IQCM: variants seen among roughly 807,000 people sequenced by gnomAD.
The protein encoded by IQCM is IQ domain-containing protein M.
A neutral mutation model predicts 57.6 loss-of-function variants in IQCM; 45 were observed. That is an observed-to-expected ratio of 0.78 (90% CI 0.62 to 1.00). The LOEUF (loss-of-function observed/expected upper bound fraction) is 1.00, where lower values mean the gene tolerates loss of function less well. Ranked by LOEUF, IQCM falls within the 50% of genes least tolerant of loss-of-function variation. The pLI is 0.00. For synonymous variants in IQCM, 148 were observed against 158.9 expected (o/e 0.93, Z 0.51); for missense variants, 468 against 511.6 (o/e 0.91, Z 0.82).
chr4:149,424,118 T>C (rs931351593), intron 13 of IQCM, among the ~76,000 whole-genome samples: 1 of 151,868 alleles, frequency 6.6e-6, no homozygotes, highest in African/African-American at 2.4e-5. Flanking sequence ...TAAGGATAAA[T>C]AAGTGGAATG....
chr4:149,813,654 T>A (rs1774797108), intron 2 of IQCM, among the ~76,000 whole-genome samples: 1 of 152,060 alleles, frequency 6.6e-6, no homozygotes, highest in South Asian at 2.1e-4. Flanking sequence ...CTATATGTCT[T>A]CCCCTACTCC....
chr4:149,807,997 AGAATG>A (rs1356403537), intron 2 of IQCM, among the ~76,000 whole-genome samples: 1 of 152,166 alleles, frequency 6.6e-6, no homozygotes, highest in East Asian at 1.9e-4. Flanking sequence ...GTCACTGTGA[AGAATG>A]GTATGGAAGT....
intron 12 of IQCM, among the ~76,000 whole-genome samples, chr4:149,474,691 T>G (rs1244852634): frequency 6.6e-6 from 1 of 151,946 alleles, no homozygotes; most frequent in Non-Finnish European, 1.5e-5. Flanking sequence ...TACTCCAGCC[T>G]GGGCAACAAG....
At chr4:149,724,610 ATTT>A (rs2149864598) in intron 5 of IQCM, among the ~76,000 whole-genome samples, 2 of 151,962 alleles carry the variant, frequency 1.3e-5, no homozygotes, top group South Asian at 4.2e-4. Context: ...ACTCATACAT[ATTT>A]TTAACTTCTT....
At chr4:149,396,680 T>G (rs1440048876) in intron 13 of IQCM, among the ~76,000 whole-genome samples, 2 of 152,014 alleles carry the variant, frequency 1.3e-5, no homozygotes, top group Non-Finnish European at 2.9e-5. Flanking sequence ...ATTGCTTGAC[T>G]AAAACTTTAT....
At chr4:149,548,402 G>T (rs920926235) in intron 12 of IQCM, 53 bp downstream of exon 12, 1 of 1,216,688 alleles carries the variant, frequency 8.2e-7, no homozygotes, top group Non-Finnish European at 1.0e-6. Context: ...AAAGAGAAAA[G>T]AAAGAAGTTG....
chr4:149,398,182 T>C (rs1188834035), intron 13 of IQCM, among the ~76,000 whole-genome samples: 1 of 152,046 alleles, frequency 6.6e-6, no homozygotes, highest in Non-Finnish European at 1.5e-5. Flanking sequence ...TGAAGATTAG[T>C]TGACCATGTA....
chr4:149,438,585 A>G (rs1433664732), intron 12 of IQCM, among the ~76,000 whole-genome samples: 2 of 152,064 alleles, frequency 1.3e-5, no homozygotes, highest in African/African-American at 2.4e-5. Flanking sequence ...CTTTTTTGTC[A>G]TGCCATTTTT....
At chr4:149,807,562 C>T (rs1189693580) in intron 2 of IQCM, among the ~76,000 whole-genome samples, 5 of 151,948 alleles carry the variant, frequency 3.3e-5, no homozygotes, top group African/African-American at 1.2e-4. Context: ...CACAGGCAAT[C>T]ACAGCAAAAA....
intron 7 of IQCM, among the ~76,000 whole-genome samples, chr4:149,663,090 A>C (rs2150158248): frequency 6.6e-6 from 1 of 152,018 alleles, no homozygotes; most frequent in East Asian, 1.9e-4. Context: ...CTTTGTGGTT[A>C]CTATGGAACT....
intron 13 of IQCM, among the ~76,000 whole-genome samples, chr4:149,412,315 CA>C (rs1391029849): frequency 2.0e-5 from 3 of 152,120 alleles, no homozygotes; most frequent in Non-Finnish European, 2.9e-5. Flanking sequence ...TTCTTCCCTA[CA>C]GTACTTAAAT....
At chr4:149,593,501 A>G (rs547753001) in intron 8 of IQCM, among the ~76,000 whole-genome samples, 21 of 152,122 alleles carry the variant, frequency 1.4e-4, no homozygotes, top group South Asian at 8.3e-4. Context: ...ATGTTGAATA[A>G]GAGTGGTGAG....
rs576142021 is a variant in IQCM, at chr4:149,495,036, C to A, written c.1228+53419G>T. On this transcript the variant is annotated intron_variant, in intron 12 of 13. Transcript: ENST00000636793. ...CAGACAGATAAAGGATAGTTATTAG[C>A]GGAGAAAGTAAGAAAAAGGTAGAGA... Among the ~76,000 whole-genome samples the A allele has an allele frequency of 1.2e-4, 18 of 151,806 alleles. 1 individual carries two copies. The South Asian group carries it at 1.5e-3, about 12-fold the overall frequency.
At chr4:149,597,207 C>G (rs894418724) in intron 8 of IQCM, among the ~76,000 whole-genome samples, 3 of 151,584 alleles carry the variant, frequency 2.0e-5, no homozygotes, top group African/African-American at 7.3e-5. Context: ...ATAATAGACA[C>G]AGATAAAAAG....
intron 2 of IQCM, chr4:149,793,858 G>C (rs1304824274): frequency 6.6e-6 from 1 of 152,252 alleles, no homozygotes; most frequent in Non-Finnish European, 1.5e-5. Flanking sequence ...GCATGCTACT[G>C]CTCAGGCAGG....
intron 6 of IQCM, among the ~76,000 whole-genome samples, chr4:149,684,825 A>G (rs1016961301): frequency 6.6e-6 from 1 of 151,456 alleles, no homozygotes; most frequent in Non-Finnish European, 1.5e-5. Flanking sequence ...GCTAACTGTT[A>G]AAGTAGGAAA....
chr4:149,467,098 A>G (rs1738935991), intron 12 of IQCM, among the ~76,000 whole-genome samples: 1 of 152,206 alleles, frequency 6.6e-6, no homozygotes, highest in African/African-American at 2.4e-5. Context: ...AATAATTAGT[A>G]ATGTCTGAAA....
intron 2 of IQCM, among the ~76,000 whole-genome samples, chr4:149,744,658 G>A (rs911059815): frequency 6.6e-6 from 1 of 151,740 alleles, no homozygotes; most frequent in Non-Finnish European, 1.5e-5. Context: ...AGGAAGGATG[G>A]AATTGCTTAG....
At chr4:149,491,990 T>C (rs1159242642) in intron 12 of IQCM, among the ~76,000 whole-genome samples, 1 of 152,140 alleles carries the variant, frequency 6.6e-6, no homozygotes, top group African/African-American at 2.4e-5. Flanking sequence ...TTTATTTTAA[T>C]TTCTCTGCTG....
Sources: gnomAD v4.1 joint callset for allele counts (sites outside exome capture counted in the v4.1 genomes callset) on GRCh38, gnomAD v4.1.1 for gene constraint, MANE v1.5 for transcripts, NCBI Gene and HGNC (gene_info 2026-07-23, HGNC 2026-07-21) for gene names.